MYO5B: variants seen among roughly 807,000 people sequenced by gnomAD.
The protein encoded by MYO5B is unconventional myosin-Vb.
A neutral mutation model predicts 229.3 loss-of-function variants in MYO5B; 143 were observed. The ratio of observed to expected loss-of-function variants is 0.62; its 90% CI spans 0.54 to 0.72. The LOEUF is 0.72. MYO5B is among the 30% of genes least tolerant of loss of function. MYO5B has a pLI of 0.00. For synonymous variants in MYO5B, 918 were observed against 885.2 expected, an observed-to-expected ratio of 1.04 and a Z score of -0.66; for missense variants, 2,321 against 2,331.0, an observed-to-expected ratio of 1.00 and a Z score of 0.09.
At position 49,902,601 on chromosome 18, in the gene MYO5B, T is replaced by A. The variant is rs376657626; in HGVS notation, c.2804A>T (p.Asp935Val). 5.0e-6 allele frequency: 8 copies of A among 1,612,116 alleles called. No individual in the cohort carries two copies. The African/African-American group carries it at 8.0e-5, about 16-fold the overall frequency. The change falls in exon 21 of 40, where the codon GAT (aspartate) becomes GTT (valine). Residue 935 changes from aspartate (D) to valine (V), a missense_variant. Asp to Val is a radical substitution (Grantham distance 152). Transcript: ENST00000285039. Reference sequence around the variant, plus strand: ...GGAGCTGCAGACACTGACCTGCTCATCGATCTTCCGCTGCAGCTGGACCAC... The same window carrying A: ...GGAGCTGCAGACACTGACCTGCTCAACGATCTTCCGCTGCAGCTGGACCAC... Reference protein sequence around the residue: ...NKVVQLQRKIDEQNKEFKTLS... With the variant: ...NKVVQLQRKIVEQNKEFKTLS...
chr18:49,954,464 C>T (rs2025469123), intron 12 of MYO5B, 29 bp from the exon 13 acceptor site: 1 of 1,613,476 alleles, frequency 6.2e-7, no homozygotes, highest in South Asian at 1.1e-5. Context: ...GGGCAGAGCG[C>T]TTTGTGAAGA....
intron 14 of MYO5B, 71 bp from the exon 15 acceptor site, chr18:49,937,468 C>T: frequency 1.3e-6 from 2 of 1,547,300 alleles, no homozygotes; most frequent in Non-Finnish European, 1.8e-6. Flanking sequence ...CTCAAAGCTG[C>T]TTTTCAACAT....
At chr18:50,014,708 C>A (rs1417673769) in intron 4 of MYO5B, among the ~76,000 whole-genome samples, 1 of 152,200 alleles carries the variant, frequency 6.6e-6, no homozygotes, top group Non-Finnish European at 1.5e-5. Context: ...GGAGTGTTTT[C>A]TCTCCCTGTA....
At chr18:50,015,266 T>C (rs553054547) in intron 4 of MYO5B, among the ~76,000 whole-genome samples, 2 of 152,200 alleles carry the variant, frequency 1.3e-5, no homozygotes, top group Non-Finnish European at 1.5e-5. Flanking sequence ...CTAGTGAACT[T>C]CATTTTTGAT....
chr18:49,943,272 C>T (rs966159947), intron 14 of MYO5B, among the ~76,000 whole-genome samples: 9 of 151,212 alleles, frequency 6.0e-5, no homozygotes, highest in Non-Finnish European at 1.3e-4. Context: ...TGTTAAATGA[C>T]GAGTTACTGG....
intron 5 of MYO5B, among the ~76,000 whole-genome samples, chr18:49,997,861 G>A (rs1198510720): frequency 6.6e-6 from 1 of 152,120 alleles, no homozygotes; most frequent in Admixed American, 6.6e-5. Flanking sequence ...ATGAGACAAC[G>A]CCGTGACCAT....
chr18:49,829,452 T>C (rs2023888257), intron 39 of MYO5B, among the ~76,000 whole-genome samples: 1 of 152,298 alleles, frequency 6.6e-6, no homozygotes, highest in South Asian at 2.1e-4. Context: ...GTAAGCATAT[T>C]GAATTAGTAA....
intron 21 of MYO5B, among the ~76,000 whole-genome samples, chr18:49,895,824 T>G (rs2024772708): frequency 6.6e-6 from 1 of 152,110 alleles, no homozygotes. Flanking sequence ...AACACACAGG[T>G]GTGAAACAGC....
chr18:50,024,376 T>TC (rs2026309033), intron 4 of MYO5B, among the ~76,000 whole-genome samples: 4 of 151,378 alleles, frequency 2.6e-5, no homozygotes, highest in Admixed American at 2.6e-4. Context: ...GTGCTGGGAT[T>TC]CCACCTCTCT....
In MYO5B at chr18:49,841,428, C is replaced by A; in HGVS notation, c.4638G>T (p.Thr1546=). Residue 1546 remains threonine, a synonymous_variant, in exon 35 of 40, where the codon ACG becomes ACT. Transcript: ENST00000285039. ...GGCAGGTGTTGGATAACCAGAATGA[C>A]GTCATCTCAAAGTCATCATTGTGCT... ...LKKHNDDFEM[T]SFWLSNTCRL... is the part of the protein sequence containing the mutation. The A allele has an allele frequency of 1.2e-6, 2 of 1,614,178 alleles. No homozygotes were observed. The highest frequency in any genetic ancestry group is 8.5e-7 in the Non-Finnish European group (1 of 1,180,018).
At chr18:49,895,507 A>G (rs1392178930) in intron 21 of MYO5B, among the ~76,000 whole-genome samples, 1 of 152,160 alleles carries the variant, frequency 6.6e-6, no homozygotes, top group Non-Finnish European at 1.5e-5. Flanking sequence ...TTGCAGAAAC[A>G]AAGAAGCTGG....
chr18:49,995,919 A>T (rs2060352158), intron 5 of MYO5B, among the ~76,000 whole-genome samples: 1 of 152,224 alleles, frequency 6.6e-6, no homozygotes, highest in Non-Finnish European at 1.5e-5. Flanking sequence ...CAGCCTCTAA[A>T]TTTTACTATT....
At chr18:50,014,960 A>T (rs1352928283) in intron 4 of MYO5B, among the ~76,000 whole-genome samples, 1 of 152,234 alleles carries the variant, frequency 6.6e-6, no homozygotes, top group Non-Finnish European at 1.5e-5. Flanking sequence ...AAATAGACTC[A>T]ACAATCTGAG....
intron 17 of MYO5B, among the ~76,000 whole-genome samples, chr18:49,914,114 G>T (rs968860449): frequency 6.6e-5 from 10 of 152,306 alleles, no homozygotes; most frequent in Admixed American, 6.5e-4. Context: ...TGGGCACTGA[G>T]CTGGTTAACA....
At chr18:50,052,342 T>G (rs981101205) in intron 2 of MYO5B, among the ~76,000 whole-genome samples, 2 of 148,278 alleles carry the variant, frequency 1.3e-5, no homozygotes, top group Admixed American at 6.7e-5. Flanking sequence ...TAAGAAAATG[T>G]GGCACATATA....
At chr18:49,882,623 T>G (rs199746344) in intron 22 of MYO5B, among the ~76,000 whole-genome samples, 1 of 17,062 alleles carries the variant, frequency 5.9e-5, no homozygotes, top group African/African-American at 2.5e-4. Context: ...CAAGAAATCA[T>G]CTCAAAAAAA....
chr18:49,853,078 A>G (rs2024220127), intron 31 of MYO5B, among the ~76,000 whole-genome samples: 1 of 152,198 alleles, frequency 6.6e-6, no homozygotes, highest in African/African-American at 2.4e-5. Context: ...TGGCCTAGCC[A>G]TGAGACTGGT....
chr18:49,965,249 C>T (rs1239854380), intron 10 of MYO5B, among the ~76,000 whole-genome samples: 1 of 152,158 alleles, frequency 6.6e-6, no homozygotes, highest in African/African-American at 2.4e-5. Context: ...ACCCAGGCAA[C>T]AGGATGGATG....
intron 1 of MYO5B, among the ~76,000 whole-genome samples, chr18:50,182,552 T>G (rs2033087764): frequency 6.6e-6 from 1 of 152,230 alleles, no homozygotes; most frequent in African/African-American, 2.4e-5. Flanking sequence ...GCAGTTAAAT[T>G]AACTCTCACA....
Sources: gnomAD v4.1 joint callset for allele counts (sites outside exome capture counted in the v4.1 genomes callset) on GRCh38, gnomAD v4.1.1 for gene constraint, MANE v1.5 for transcripts, NCBI Gene and HGNC (gene_info 2026-07-23, HGNC 2026-07-21) for gene names.